The following NTRK2 variants were observed in gnomAD, a reference collection of about 807,000 sequenced individuals.
NTRK2 encodes the protein neurotrophic receptor tyrosine kinase 2.
A neutral mutation model predicts 94.5 loss-of-function variants in NTRK2; 13 were observed. The observed-to-expected ratio is 0.14, with a 90% CI of 0.09 to 0.22. NTRK2 has a LOEUF of 0.22. NTRK2 is among the 10% of genes least tolerant of loss of function. NTRK2 has a pLI of 1.00. For missense variants in NTRK2, 639 were observed against 1,071.2 expected, an observed-to-expected ratio of 0.60 and a Z score of 5.63; for synonymous variants, 372 against 407.4, an observed-to-expected ratio of 0.91 and a Z score of 1.05.
chr9:84,775,105 T>A (rs557471602), intron 12 of NTRK2, among the ~76,000 whole-genome samples: 1 of 152,366 alleles, frequency 6.6e-6, no homozygotes, highest in Non-Finnish European at 1.5e-5. Flanking sequence ...TTTGGGCTGA[T>A]GACAGTCTTA....
At chr9:84,737,883 T>C (rs991194620) in intron 9 of NTRK2, among the ~76,000 whole-genome samples, 17 of 151,486 alleles carry the variant, frequency 1.1e-4, no homozygotes, top group African/African-American at 2.4e-5. Context: ...CTTGACAACA[T>C]TCCTTAGGTC....
chr9:84,906,666 T>C (rs1240458670), intron 14 of NTRK2, among the ~76,000 whole-genome samples: 1 of 152,198 alleles, frequency 6.6e-6, no homozygotes, highest in Non-Finnish European at 1.5e-5. Context: ...CCCCTGTCCC[T>C]GCCTCTCAGA....
At chr9:84,752,199 G>T (rs141217655) in intron 12 of NTRK2, 114 bp downstream of exon 12, 58 of 850,214 alleles carry the variant, frequency 6.8e-5, no homozygotes, top group Non-Finnish European at 1.1e-4. Flanking sequence ...AGGTTTTAAG[G>T]CTAAAAAAAT....
intron 17 of NTRK2, among the ~76,000 whole-genome samples, chr9:84,977,415 G>A (rs1329135363): frequency 6.6e-6 from 1 of 152,154 alleles, no homozygotes; most frequent in African/African-American, 2.4e-5. Flanking sequence ...GTTCTAAATA[G>A]CATAAAGGAT....
intron 17 of NTRK2, among the ~76,000 whole-genome samples, chr9:85,007,046 A>G (rs758513768): frequency 3.3e-5 from 5 of 152,334 alleles, no homozygotes; most frequent in Non-Finnish European, 7.3e-5. Flanking sequence ...GTATTTGTTG[A>G]GCATCCCAGC....
At chr9:84,847,307 T>G (rs2074519607) in intron 12 of NTRK2, among the ~76,000 whole-genome samples, 1 of 152,210 alleles carries the variant, frequency 6.6e-6, no homozygotes, top group African/African-American at 2.4e-5. Flanking sequence ...TTTTTGAAAA[T>G]AAGACTACTA....
chr9:84,916,714 T>C (rs968473498), intron 14 of NTRK2, among the ~76,000 whole-genome samples: 4 of 152,164 alleles, frequency 2.6e-5, no homozygotes, highest in Admixed American at 1.3e-4. Context: ...ACTTTGATTA[T>C]GAGAGCTGAG....
intron 17 of NTRK2, among the ~76,000 whole-genome samples, chr9:84,990,278 C>T (rs953724670): frequency 2.0e-5 from 3 of 152,162 alleles, no homozygotes; most frequent in Non-Finnish European, 4.4e-5. Context: ...TGAGAGCCAG[C>T]GCTTGGGAGT....
Position 84,723,565 on chromosome 9 carries a change from T to A in NTRK2, c.584-8T>A. On this transcript the variant is annotated splice_polypyrimidine_tract_variant and splice_region_variant and intron_variant, in intron 6 of 18. Coordinates refer to ENST00000277120, the MANE Select transcript of NTRK2 (RefSeq NM_006180.6). ...CATATGCCTCTGTTTACTTTTCTTG[T>A]TCCATAGGTTTGCCATCTGCAAATC... is the stretch of plus-strand genomic sequence containing the variant. The A allele has an allele frequency of 6.2e-7, 1 of 1,614,062 alleles. No homozygotes were observed. The highest frequency in any genetic ancestry group is 8.5e-7 in the Non-Finnish European group (1 of 1,179,896).
chr9:84,912,762 C>T (rs184014885), intron 14 of NTRK2, among the ~76,000 whole-genome samples: 275 of 151,854 alleles, frequency 1.8e-3, no homozygotes, highest in Non-Finnish European at 1.9e-3. Context: ...CGACTACAGG[C>T]GCCCACCACC....
intron 12 of NTRK2, among the ~76,000 whole-genome samples, chr9:84,777,136 C>T (rs982492318): frequency 6.6e-6 from 1 of 152,068 alleles, no homozygotes; most frequent in African/African-American, 2.4e-5. Context: ...TCAGTTAAGC[C>T]CCTTACAGGA....
chr9:84,868,500 G>A (rs560894069), intron 14 of NTRK2, among the ~76,000 whole-genome samples: 1 of 152,278 alleles, frequency 6.6e-6, no homozygotes, highest in South Asian at 2.1e-4. Context: ...ATGTTAGGAA[G>A]AACAGTATTA....
At chr9:84,809,917 G>T (rs960671198) in intron 12 of NTRK2, among the ~76,000 whole-genome samples, 12 of 147,982 alleles carry the variant, frequency 8.1e-5, no homozygotes, top group African/African-American at 2.7e-4. Context: ...GAAGAGAGAA[G>T]AATCTAACTA....
intron 12 of NTRK2, among the ~76,000 whole-genome samples, chr9:84,800,248 G>A (rs1223294792): frequency 6.6e-6 from 1 of 152,040 alleles, no homozygotes; most frequent in Non-Finnish European, 1.5e-5. Flanking sequence ...TGTCGCCCAG[G>A]CTGGAGTGCA....
At chr9:84,731,703 A>T (rs556397312) in intron 9 of NTRK2, among the ~76,000 whole-genome samples, 1 of 152,182 alleles carries the variant, frequency 6.6e-6, no homozygotes, top group East Asian at 1.9e-4. Context: ...TGGAGGAAGG[A>T]TGGGGAAGTT....
At chr9:84,764,531 C>A (rs1189589520) in intron 12 of NTRK2, among the ~76,000 whole-genome samples, 1 of 151,992 alleles carries the variant, frequency 6.6e-6, no homozygotes. Flanking sequence ...TAGGGAGGGT[C>A]ATAGGATTAT....
intron 12 of NTRK2, among the ~76,000 whole-genome samples, chr9:84,833,946 C>T (rs964236199): frequency 1.4e-4 from 22 of 152,090 alleles, no homozygotes; most frequent in African/African-American, 4.6e-4. Context: ...GGAGGATGCC[C>T]GGGTGAGGAT....
At chr9:84,975,150 G>T (rs1202209147) in intron 17 of NTRK2, among the ~76,000 whole-genome samples, 1 of 152,058 alleles carries the variant, frequency 6.6e-6, no homozygotes. Flanking sequence ...AGGAAGGAAG[G>T]TTCCTTTGAG....
chr9:84,767,634 T>A (rs1042163014), intron 12 of NTRK2, among the ~76,000 whole-genome samples: 12 of 152,130 alleles, frequency 7.9e-5, no homozygotes, highest in African/African-American at 1.9e-4. Flanking sequence ...GTGCTTCATC[T>A]CCCCTTCTTA....
Sources: gnomAD v4.1 joint callset for allele counts (sites outside exome capture counted in the v4.1 genomes callset) on GRCh38, gnomAD v4.1.1 for gene constraint, MANE v1.5 for transcripts, NCBI Gene and HGNC (gene_info 2026-07-23, HGNC 2026-07-21) for gene names.